Variants in ABCD2 observed in about 807,000 individuals in gnomAD.
The protein encoded by ABCD2 is ATP-binding cassette sub-family D member 2.
In ABCD2, 36 loss-of-function variants were observed where a neutral mutation model predicts 70.9. The observed-to-expected ratio is 0.51, with a 90% CI of 0.39 to 0.67. The LOEUF (loss-of-function observed/expected upper bound fraction) is 0.67. Ranked by LOEUF, ABCD2 falls within the 30% of genes least tolerant of loss-of-function variation. The pLI, the probability that ABCD2 is intolerant of heterozygous loss-of-function variation, is 0.00. For synonymous variants in ABCD2, 304 were observed against 306.9 expected (o/e 0.99, Z 0.10); for missense variants, 729 against 890.2 (o/e 0.82, Z 2.30).
Position 39,563,146 on chromosome 12 carries a change from T to C in ABCD2, c.2004-9015A>G, listed in dbSNP as rs114511535. On this transcript the variant is annotated intron_variant, in intron 9 of 9. Transcript: ENST00000308666. ...CTAAAAACACTCAACAAACTAAGCA[T>C]AGGAGGAACATAGCTCAACAAAATA... is the stretch of plus-strand genomic sequence containing the variant. Among the ~76,000 whole-genome samples the C allele has an allele frequency of 5.0e-3, 762 of 152,214 alleles. 3 individuals are homozygous for C. Among genetic ancestry groups the C allele is most frequent in the African/African-American group, 0.016 (685 of 41,538 alleles).
intron 9 of ABCD2, among the ~76,000 whole-genome samples, chr12:39,569,111 A>G (rs1941406194): frequency 6.6e-6 from 1 of 152,232 alleles, no homozygotes; most frequent in East Asian, 1.9e-4. Context: ...CCGTTCTCAG[A>G]TCTCCAGCTG....
Position 39,553,767 on chromosome 12 carries a change from A to G in ABCD2, c.*145T>C. On this transcript the variant is annotated 3_prime_UTR_variant, in exon 10 of 10. Coordinates refer to ENST00000308666, the MANE Select transcript of ABCD2 (RefSeq NM_005164.4). ...TTATTTTCTTCTGAAAAGTCAGATC[A>G]TATACTTCCTTAATGCTAAAATCTT... 1.6e-6 allele frequency: 1 copy of G among 634,558 alleles called. No individual in the cohort carries two copies. Among genetic ancestry groups the G allele is most frequent in the South Asian group, 2.1e-5 (1 of 46,978 alleles). The allele number at this position is 634,558 out of a possible 1,614,324, so 39.3% of individuals were successfully genotyped here. A position where few individuals can be genotyped will look rare whatever the true frequency, so the allele number is the denominator to read the frequency against.
At chr12:39,591,356 T>G (rs1941743872) in intron 6 of ABCD2, among the ~76,000 whole-genome samples, 1 of 152,196 alleles carries the variant, frequency 6.6e-6, no homozygotes, top group Admixed American at 6.5e-5. Flanking sequence ...TATTTCTAGA[T>G]TCCAAAACAG....
chr12:39,536,579 G>A, the ABCD2 span, among the ~76,000 whole-genome samples: 2 of 152,090 alleles, frequency 1.3e-5, no homozygotes, highest in Admixed American at 1.3e-4. Flanking sequence ...TGGAATTCTT[G>A]GCTTTAGTAA....
chr12:39,579,100 G>A (rs1430622901), intron 8 of ABCD2, among the ~76,000 whole-genome samples: 1 of 152,162 alleles, frequency 6.6e-6, no homozygotes, highest in Non-Finnish European at 1.5e-5. Flanking sequence ...GGTGGCTCAC[G>A]CCTGTAATCC....
intron 8 of ABCD2, among the ~76,000 whole-genome samples, chr12:39,576,951 AG>A (rs1229399755): frequency 6.6e-6 from 1 of 152,194 alleles, no homozygotes; most frequent in African/African-American, 2.4e-5. Context: ...ATAGTAATAC[AG>A]AAAAGCACAT....
chr12:39,619,302 C>A lies in ABCD2; in HGVS notation c.314G>T (p.Gly105Val). Residue 105 changes from glycine to valine, a missense_variant, in exon 1 of 10, where the codon GGG becomes GTG. Coordinates refer to ENST00000308666, the MANE Select transcript of ABCD2 (RefSeq NM_005164.4). ...LFPKLVTTET[G>V]WLCLHSVALI... The stretch of plus-strand genomic sequence containing the variant: ...AGCCACTGAGTGCAGGCAGAGCCAC[C>A]CTGTTTCAGTGGTCACAAGTTTTGG... The A allele has an allele frequency of 1.2e-6, 2 of 1,614,026 alleles. No homozygotes were observed. Among genetic ancestry groups the A allele is most frequent in the African/African-American group, 1.3e-5 (1 of 74,988 alleles).
chr12:39,590,535 CAATTATAAT>C (rs569485598), intron 6 of ABCD2, among the ~76,000 whole-genome samples: 97 of 152,030 alleles, frequency 6.4e-4, no homozygotes, highest in African/African-American at 2.1e-3. Context: ...CTTATTTAAA[CAATTATAAT>C]AATTATAATA....
intron 2 of ABCD2, among the ~76,000 whole-genome samples, chr12:39,609,837 CA>C (rs1942021523): frequency 6.6e-6 from 1 of 152,144 alleles, no homozygotes; most frequent in African/African-American, 2.4e-5. Context: ...AAAATTCACC[CA>C]GCATGTATTT....
rs376211950 is a variant in ABCD2, at chr12:39,579,658, T to G, written c.1793-39A>C. 13 of 1,464,540 alleles carry G rather than the reference T, an allele frequency of 8.9e-6. No individual in the cohort carries two copies. The African/African-American group carries it at 1.4e-4, about 16-fold the overall frequency. 90.7% of individuals were successfully genotyped at this position (1,464,540 alleles called of 1,614,324 possible). ...AAAAATATACATTTTTATAAATCAT[T>G]TGTTTAATTGTTACTATTTCTACCC... On this transcript the variant is annotated intron_variant, in intron 7 of 9. Coordinates refer to ENST00000308666, the MANE Select transcript of ABCD2 (RefSeq NM_005164.4).
chr12:39,538,928 G>C, the ABCD2 span, among the ~76,000 whole-genome samples: 6 of 152,140 alleles, frequency 3.9e-5, no homozygotes, highest in Non-Finnish European at 7.3e-5. Flanking sequence ...TGTTTACAGA[G>C]GACTATAAAA....
chr12:39,594,280 A>AAAG (rs749551122), intron 6 of ABCD2, among the ~76,000 whole-genome samples: 45 of 152,326 alleles, frequency 3.0e-4, no homozygotes, highest in Admixed American at 9.8e-4. Context: ...AAACCTCTTT[A>AAAG]AGTTTTCTCA....
At chr12:39,534,920 GAAAGAAAGAAAGAAAGAAAGAAAGAA>G in the ABCD2 span, among the ~76,000 whole-genome samples, 1 of 99,200 alleles carries the variant, frequency 1.0e-5, no homozygotes, top group African/African-American at 5.5e-5. Flanking sequence ...AAGAAAGAAA[GAAAGAAAGAAAGAAAGAAAGAAAGAA>G]AGAAAACAAA....
At chr12:39,599,322 C>A (rs539829459) in intron 6 of ABCD2, among the ~76,000 whole-genome samples, 1 of 152,080 alleles carries the variant, frequency 6.6e-6, no homozygotes, top group East Asian at 1.9e-4. Context: ...AGAAAATTTT[C>A]TTCATAATTC....
chr12:39,587,939 GAAATTT>G (rs1279933478), intron 6 of ABCD2, among the ~76,000 whole-genome samples: 3 of 152,158 alleles, frequency 2.0e-5, no homozygotes, highest in African/African-American at 7.2e-5. Flanking sequence ...GAATCAGGCG[GAAATTT>G]TAAACTTTAC....
chr12:39,546,672 T>C (rs1941028131), downstream of ABCD2, among the ~76,000 whole-genome samples: 1 of 152,150 alleles, frequency 6.6e-6, no homozygotes, highest in African/African-American at 2.4e-5. Context: ...AGATACATGA[T>C]AAAAGGTAGC....
At chr12:39,594,331 C>T (rs1045205106) in intron 6 of ABCD2, among the ~76,000 whole-genome samples, 1 of 141,182 alleles carries the variant, frequency 7.1e-6, no homozygotes, top group Admixed American at 6.7e-5. Context: ...GGTTGTCATA[C>T]AGAAAAATAA....
intron 7 of ABCD2, among the ~76,000 whole-genome samples, chr12:39,582,448 C>A (rs978940992): frequency 6.6e-6 from 1 of 152,184 alleles, no homozygotes; most frequent in Admixed American, 6.5e-5. Context: ...ATAACAATTA[C>A]GATTACATTT....
At chr12:39,559,798 A>G (rs1156402437) in intron 9 of ABCD2, among the ~76,000 whole-genome samples, 1 of 152,212 alleles carries the variant, frequency 6.6e-6, no homozygotes, top group Non-Finnish European at 1.5e-5. Flanking sequence ...TGGAAATGAA[A>G]GAGATAGACT....
Sources: gnomAD v4.1 joint callset for allele counts (sites outside exome capture counted in the v4.1 genomes callset) on GRCh38, gnomAD v4.1.1 for gene constraint, MANE v1.5 for transcripts, NCBI Gene and HGNC (gene_info 2026-07-23, HGNC 2026-07-21) for gene names.